The following PKP2 variants were observed in gnomAD, a reference collection of about 807,000 sequenced individuals.
PKP2 encodes the protein plakophilin-2.
A neutral mutation model predicts 83.4 loss-of-function variants in PKP2; 73 were observed. The observed-to-expected ratio is 0.88, with a 90% confidence interval of 0.72 to 1.06. PKP2 has a LOEUF of 1.06. Ranked by LOEUF, PKP2 falls within the 50% of genes least tolerant of loss-of-function variation. PKP2 has a pLI of 0.00. For missense variants in PKP2, 966 were observed against 1,065.4 expected (o/e 0.91, Z 1.30); for synonymous variants, 409 against 430.4 (o/e 0.95, Z 0.62).
intron 6 of PKP2, among the ~76,000 whole-genome samples, chr12:32,831,112 C>T (rs1355056139): frequency 6.6e-6 from 1 of 152,018 alleles, no homozygotes; most frequent in East Asian, 1.9e-4. Context: ...TAAAAATATA[C>T]CTAAGAGCTA....
rs563242567 is a variant in PKP2, at chr12:32,795,952, C to T, written c.2357+157G>A. On this transcript the variant is annotated intron_variant, in intron 11 of 12. Transcript: ENST00000340811. ...GGATTCAGTTCTTTCCTTGGCTGATCACTGAGGGCTGACCAGATGATCTGG... is the reference window on the plus strand; with the variant it reads ...GGATTCAGTTCTTTCCTTGGCTGATTACTGAGGGCTGACCAGATGATCTGG... Among the ~76,000 whole-genome samples the T allele has an allele frequency of 2.2e-4, 33 of 152,300 alleles. No homozygotes were observed. The East Asian group carries it at 6.0e-3, about 28-fold the overall frequency.
At chr12:32,814,749 C>G (rs1185195854) in intron 9 of PKP2, among the ~76,000 whole-genome samples, 2 of 152,058 alleles carry the variant, frequency 1.3e-5, no homozygotes, top group African/African-American at 4.8e-5. Context: ...CATGGTGAAA[C>G]CCCGTCTCTA....
chr12:32,895,209 C>A (rs1246726537), intron 1 of PKP2, among the ~76,000 whole-genome samples: 1 of 151,466 alleles, frequency 6.6e-6, no homozygotes, highest in Non-Finnish European at 1.5e-5. Flanking sequence ...ATATATATAT[C>A]TCAAATGAAT....
Position 32,810,674 on chromosome 12 carries a change from C to CTTTTTTT in PKP2, c.2014-8119_2014-8118insAAAAAAA, listed in dbSNP as rs1565577312. ...TTTAGGGGAAAGTACATAGAATAAA[C>CTTTTTTT]ATTTTTTTTTTTTTTTTTTTTTTTT... On this transcript the variant is annotated intron_variant, in intron 9 of 12. Transcript: ENST00000340811. Among the ~76,000 whole-genome samples, 8 of 39,466 alleles carry CTTTTTTT rather than the reference C, an allele frequency of 2.0e-4. 1 individual carries two copies. The highest frequency in any genetic ancestry group is 4.4e-4 in the African/African-American group (8 of 18,082). 25.9% of individuals were successfully genotyped at this position (39,466 alleles called of 152,430 possible).
At chr12:32,863,038 T>C (rs1278061786) in intron 4 of PKP2, 1 of 153,100 alleles carries the variant, frequency 6.5e-6, no homozygotes, top group African/African-American at 2.4e-5. Flanking sequence ...TATTCTTGCC[T>C]CGCCATCTTG....
At chr12:32,884,830 T>A (rs547469076) in intron 1 of PKP2, among the ~76,000 whole-genome samples, 30 of 151,988 alleles carry the variant, frequency 2.0e-4, no homozygotes, top group Non-Finnish European at 3.7e-4. Flanking sequence ...GAATTGGACT[T>A]TTTCTGGTGA....
chr12:32,829,064 T>C (rs780843053), intron 6 of PKP2, among the ~76,000 whole-genome samples: 76 of 151,958 alleles, frequency 5.0e-4, no homozygotes, highest in Non-Finnish European at 7.9e-4. Flanking sequence ...GCCATCTGAG[T>C]AGGTGCGACT....
intron 6 of PKP2, among the ~76,000 whole-genome samples, chr12:32,826,152 C>T (rs1227769571): frequency 6.6e-6 from 1 of 150,634 alleles, no homozygotes; most frequent in African/African-American, 2.4e-5. Context: ...AAGTACCAAA[C>T]AAAATTAGCC....
chr12:32,886,265 G>T (rs1468499637), intron 1 of PKP2, among the ~76,000 whole-genome samples: 1 of 152,152 alleles, frequency 6.6e-6, no homozygotes, highest in African/African-American at 2.4e-5. Context: ...AACAGCTCTC[G>T]TTCTCCACAA....
At chr12:32,806,219 G>A (rs1164206295) in intron 9 of PKP2, among the ~76,000 whole-genome samples, 1 of 152,102 alleles carries the variant, frequency 6.6e-6, no homozygotes, top group Non-Finnish European at 1.5e-5. Context: ...GGATGATGCT[G>A]GTCTCACACA....
At chr12:32,794,332 T>G (rs1004934378) in intron 11 of PKP2, among the ~76,000 whole-genome samples, 1 of 152,242 alleles carries the variant, frequency 6.6e-6, no homozygotes, top group African/African-American at 2.4e-5. Context: ...TGTTTGATAC[T>G]TGGTACTCTT....
chr12:32,796,882 C>G (rs904683194), intron 10 of PKP2, among the ~76,000 whole-genome samples: 1 of 152,042 alleles, frequency 6.6e-6, no homozygotes, highest in East Asian at 1.9e-4. Context: ...TTCTTCAATT[C>G]GGTAATTCCA....
At chr12:32,863,226 C>A in intron 4 of PKP2, 1 of 242,512 alleles carries the variant, frequency 4.1e-6, no homozygotes, top group South Asian at 7.0e-5. Context: ...AAACAGAATT[C>A]TACTTGGGCA....
Position 32,792,835 on chromosome 12 carries a change from G to A in PKP2, c.2358-104C>T, listed in dbSNP as rs6488092. Reference sequence around the variant, plus strand: ...CTCTTCGCTCCTCAACTGCTACTCCGCAGCAGCCATCCATGAAGTCAGGCC... The same window carrying A: ...CTCTTCGCTCCTCAACTGCTACTCCACAGCAGCCATCCATGAAGTCAGGCC... On this transcript the variant is annotated intron_variant, in intron 11 of 12. Coordinates refer to ENST00000340811, the MANE Select transcript of PKP2 (RefSeq NM_001005242.3). 6 of 862,688 alleles carry A rather than the reference G, an allele frequency of 7.0e-6. No homozygotes were observed. The Admixed American group carries it at 7.3e-5, about 11-fold the overall frequency. The allele number at this position is 862,688 out of a possible 1,614,324, so 53.4% of individuals were successfully genotyped here.
intron 5 of PKP2, among the ~76,000 whole-genome samples, chr12:32,843,640 G>T (rs1268475214): frequency 6.6e-6 from 1 of 152,178 alleles, no homozygotes; most frequent in Admixed American, 6.5e-5. Context: ...GTCTTGTGAG[G>T]ACTAGATTTC....
intron 9 of PKP2, 56 bp downstream of exon 9, chr12:32,821,300 A>G: frequency 7.2e-7 from 1 of 1,380,632 alleles, no homozygotes. Context: ...AATTGAATGT[A>G]GGTATGTCTA....
chr12:32,851,825 T>G (rs555983510), intron 4 of PKP2, among the ~76,000 whole-genome samples: 1 of 152,360 alleles, frequency 6.6e-6, no homozygotes, highest in Admixed American at 6.5e-5. Context: ...CTTATAAAAC[T>G]TATGCAAGCA....
Position 32,878,358 on chromosome 12 carries a change from A to C in PKP2, c.522T>G (p.Ala174=). 1 of 1,613,632 alleles carries C rather than the reference A, an allele frequency of 6.2e-7. No individual in the cohort carries two copies. Among genetic ancestry groups the C allele is most frequent in the Non-Finnish European group, 8.5e-7 (1 of 1,179,948 alleles). ...SDYQYSQRSQ[A]GHTLHHQESR... The stretch of plus-strand genomic sequence containing the variant: ...TTTCTTGGTGGTGCAGGGTGTGCCC[A>C]GCCTGGCTTCTCTGGCTGTACTGGT... Residue 174 remains alanine, a synonymous_variant, in exon 3 of 13, where the codon GCT becomes GCG. Coordinates refer to ENST00000340811, the MANE Select transcript of PKP2 (RefSeq NM_001005242.3).
chr12:32,821,103 T>C (rs1956371088), intron 9 of PKP2: 3 of 465,526 alleles, frequency 6.4e-6, no homozygotes. Flanking sequence ...AAATTTCCTC[T>C]TTTTTGCTTA....
Sources: gnomAD v4.1 joint callset for allele counts (sites outside exome capture counted in the v4.1 genomes callset) on GRCh38, gnomAD v4.1.1 for gene constraint, MANE v1.5 for transcripts, NCBI Gene and HGNC (gene_info 2026-07-23, HGNC 2026-07-21) for gene names.